SMOC1: variants seen among roughly 807,000 people sequenced by gnomAD.
SMOC1 encodes SPARC-related modular calcium-binding protein 1.
SMOC1 carries 22 observed loss-of-function variants against 56.3 expected under a neutral mutation model. The observed-to-expected ratio is 0.39, with a 90% CI of 0.28 to 0.56. SMOC1 has a LOEUF of 0.56. Among genes scored for constraint, SMOC1 ranks in the 20% least tolerant of loss-of-function variants. SMOC1 has a pLI of 0.61. For missense variants in SMOC1, 509 were observed against 565.4 expected, an observed-to-expected ratio of 0.90 and a Z score of 1.01; for synonymous variants, 193 against 215.0, an observed-to-expected ratio of 0.90 and a Z score of 0.89.
chr14:69,956,123 T>C (rs1217223549), intron 3 of SMOC1, among the ~76,000 whole-genome samples: 1 of 152,186 alleles, frequency 6.6e-6, no homozygotes, highest in East Asian at 1.9e-4. Context: ...CCAGGCTAAA[T>C]TGCTAAACGA....
chr14:69,894,857 C>T (rs1239138742), intron 1 of SMOC1, among the ~76,000 whole-genome samples: 7 of 152,062 alleles, frequency 4.6e-5, no homozygotes, highest in African/African-American at 1.7e-4. Flanking sequence ...ATAGATAGGC[C>T]ATGTGAAGAT....
intron 2 of SMOC1, among the ~76,000 whole-genome samples, chr14:69,952,864 T>A (rs2139440047): frequency 6.6e-6 from 1 of 152,322 alleles, no homozygotes; most frequent in South Asian, 2.1e-4. Context: ...TTTGCCACAG[T>A]CTTACAGCAC....
intron 11 of SMOC1, among the ~76,000 whole-genome samples, chr14:70,024,162 A>T (rs949850052): frequency 7.2e-5 from 11 of 152,150 alleles, no homozygotes; most frequent in African/African-American, 2.7e-4. Flanking sequence ...GCTGGAACTC[A>T]GTCACTAGGG....
chr14:69,975,068 G>T (rs1243054261), intron 3 of SMOC1, among the ~76,000 whole-genome samples: 5 of 152,142 alleles, frequency 3.3e-5, no homozygotes, highest in Admixed American at 3.3e-4. Context: ...TTTTGACTGG[G>T]TGCGGTGGCT....
At chr14:70,000,907 G>A (rs1222974485) in intron 7 of SMOC1, among the ~76,000 whole-genome samples, 1 of 152,180 alleles carries the variant, frequency 6.6e-6, no homozygotes, top group Non-Finnish European at 1.5e-5. Flanking sequence ...AGGTGGCCTC[G>A]GCCAACGTCA....
intron 11 of SMOC1, among the ~76,000 whole-genome samples, chr14:70,025,583 C>A (rs192355566): frequency 6.6e-6 from 1 of 152,160 alleles, no homozygotes; most frequent in African/African-American, 2.4e-5. Flanking sequence ...TCACTACATG[C>A]GGCTTGAGTG....
chr14:70,023,494 C>T, intron 11 of SMOC1, 47 bp downstream of exon 11: 1 of 1,613,198 alleles, frequency 6.2e-7, no homozygotes, highest in Non-Finnish European at 8.5e-7. Flanking sequence ...CTTGCCCCCA[C>T]CCAGGCATGG....
chr14:69,930,482 G>A (rs773602851), intron 1 of SMOC1, among the ~76,000 whole-genome samples: 2 of 152,208 alleles, frequency 1.3e-5, no homozygotes, highest in African/African-American at 2.4e-5. Context: ...TTGGGGCAGG[G>A]CTGTTTTTCC....
chr14:70,029,977 C>T (rs111355046), intron 11 of SMOC1, among the ~76,000 whole-genome samples: 5 of 152,328 alleles, frequency 3.3e-5, no homozygotes, highest in African/African-American at 1.2e-4. Context: ...GGCCAAGCCT[C>T]GTTCTCTCCA....
intron 1 of SMOC1, among the ~76,000 whole-genome samples, chr14:69,935,287 A>G (rs1478197379): frequency 6.6e-6 from 1 of 152,242 alleles, no homozygotes; most frequent in Non-Finnish European, 1.5e-5. Context: ...TTTTAAATGC[A>G]CCAAAAGTTG....
intron 7 of SMOC1, among the ~76,000 whole-genome samples, chr14:70,000,796 G>T (rs143490401): frequency 5.8e-4 from 89 of 152,296 alleles, no homozygotes; most frequent in African/African-American, 2.1e-3. Flanking sequence ...ATTTAGACAG[G>T]CTGGTTGGTT....
In SMOC1 at chr14:69,895,291, G is replaced by A. The variant is rs188125387; in HGVS notation, c.99+15514G>A. ...TGAGTTTCTGGTTTCCGCCAGTGTC[G>A]AAGGTTTCAGTTAGGAAATGTGAAG... On this transcript the variant is annotated intron_variant, in intron 1 of 11. Coordinates refer to ENST00000361956, the MANE Select transcript of SMOC1 (RefSeq NM_001034852.3). Among the ~76,000 whole-genome samples the A allele has an allele frequency of 2.2e-3, 337 of 152,308 alleles. 1 individual carries two copies. The highest frequency in any genetic ancestry group is 7.7e-3 in the African/African-American group (322 of 41,554).
chr14:70,023,219 C>T lies in SMOC1; in HGVS notation c.1063C>T (p.Pro355Ser), dbSNP rs2139615038. Reference sequence around the variant, plus strand: ...ATGGCCCAGGTTCTCAGAGCCAGACCCCAGCCACACCCTGGAGGAGCGGGT... The same window carrying T: ...ATGGCCCAGGTTCTCAGAGCCAGACTCCAGCCACACCCTGGAGGAGCGGGT... ...TGGGRFSEPD[P>S]SHTLEERVVH... The change falls in exon 11 of 12, where the codon CCC becomes TCC. Residue 355 changes from proline (P) to serine (S), a missense_variant. By Grantham distance (74) the Pro-to-Ser change is moderately conservative (BLOSUM62 -1). Around this residue, in one of 3 missense-constraint regions of SMOC1, gnomAD observed 176 missense variants for 188.1 expected, o/e 0.94. Coordinates refer to ENST00000361956, the MANE Select transcript of SMOC1 (RefSeq NM_001034852.3). The T allele has an allele frequency of 1.9e-6, 3 of 1,614,034 alleles. No individual in the cohort carries two copies. Among genetic ancestry groups the T allele is most frequent in the South Asian group, 2.2e-5 (2 of 91,066 alleles).
At chr14:69,936,809 T>G (rs1312945767) in intron 1 of SMOC1, among the ~76,000 whole-genome samples, 1 of 151,252 alleles carries the variant, frequency 6.6e-6, no homozygotes, top group East Asian at 1.9e-4. Context: ...ATAACCCATC[T>G]GTGTTCCTAC....
rs781371118 is a variant in SMOC1 at position 69,879,684 on chromosome 14, G to A, written c.6G>A (p.Leu2=). The stretch of plus-strand genomic sequence containing the variant: ...TGCCCAGCCTGGCTGGCACCATGCT[G>A]CCCGCGCGCTGCGCCCGCCTGCTCA... The part of the protein sequence containing the change: M[L]PARCARLLTP... Residue 2 remains leucine (L), a synonymous_variant, in exon 1 of 12, where the codon CTG becomes CTA. Transcript: ENST00000361956. 3 of 1,561,754 alleles carry A rather than the reference G, an allele frequency of 1.9e-6. No homozygotes were observed. Among genetic ancestry groups the A allele is most frequent in the African/African-American group, 2.7e-5 (2 of 72,910 alleles).
In SMOC1 at chr14:69,952,057, A is replaced by G. The variant is rs1883016665; in HGVS notation, c.100-81A>G. On this transcript the variant is annotated intron_variant, in intron 1 of 11. Transcript: ENST00000361956. ...TTAGGGACTTACTTTCTAAAGGCAA[A>G]CAAGTACTGTAAGTCATGGACTCGC... 8 of 1,508,424 alleles carry G rather than the reference A, an allele frequency of 5.3e-6. No homozygotes were observed. In the South Asian group the frequency reaches 7.9e-5, roughly 15 times the overall value. The allele number at this position is 1,508,424 out of a possible 1,614,324, so 93.4% of individuals were successfully genotyped here. A position where few individuals can be genotyped will look rare whatever the true frequency, so the allele number is the denominator to read the frequency against.
chr14:70,008,903 G>A (rs1885237992), intron 7 of SMOC1, among the ~76,000 whole-genome samples: 1 of 152,202 alleles, frequency 6.6e-6, no homozygotes, highest in South Asian at 2.1e-4. Context: ...AAGTTGCCAT[G>A]GCACCTTCCC....
At chr14:69,986,191 G>A (rs1002143894) in intron 5 of SMOC1, among the ~76,000 whole-genome samples, 23 of 152,236 alleles carry the variant, frequency 1.5e-4, no homozygotes, top group Admixed American at 2.0e-4. Flanking sequence ...TTATATAACA[G>A]TCTAGAAATG....
At chr14:69,928,409 G>A (rs1885073694) in intron 1 of SMOC1, among the ~76,000 whole-genome samples, 1 of 152,324 alleles carries the variant, frequency 6.6e-6, no homozygotes, top group East Asian at 1.9e-4. Context: ...CTGGGTCAGC[G>A]TAATCCCCTG....
Sources: allele counts gnomAD v4.1 joint callset (sites outside exome capture counted in the v4.1 genomes callset), GRCh38; gene constraint gnomAD v4.1.1; regional missense constraint gnomAD v4.1.1; transcripts MANE v1.5; gene names NCBI Gene and HGNC (gene_info 2026-07-23, HGNC 2026-07-21).